The following HVCN1 variants were observed in gnomAD, a reference collection of about 807,000 sequenced individuals.
The protein encoded by HVCN1 is hydrogen voltage gated channel 1.
HVCN1 carries 14 observed loss-of-function variants against 29.2 expected under a neutral mutation model. The ratio of observed to expected loss-of-function variants is 0.48; its 90% confidence interval spans 0.32 to 0.75. HVCN1 has a LOEUF of 0.75. Among genes scored for constraint, HVCN1 ranks in the 30% least tolerant of loss-of-function variants. HVCN1 has a pLI of 0.04. For synonymous variants in HVCN1, 131 were observed against 133.2 expected (o/e 0.98, Z 0.11); for missense variants, 263 against 341.8 (o/e 0.77, Z 1.82).
In HVCN1 at chr12:110,704,807, G is replaced by A. The variant is rs368681040; in HGVS notation, c.-229+68C>T. ...GGTATCCCCCTGGGCTGGGTTTCAGGGATGGGGCCCTGCCATTCCTTCTGG... is the reference window on the plus strand; with the variant it reads ...GGTATCCCCCTGGGCTGGGTTTCAGAGATGGGGCCCTGCCATTCCTTCTGG... On this transcript the variant is annotated intron_variant, in intron 1 of 4. Coordinates refer to the HVCN1 transcript ENST00000546713. The A allele has an allele frequency of 2.0e-5, 3 of 152,310 alleles. No individual in the cohort carries two copies. In the East Asian group the frequency reaches 5.8e-4, roughly 29 times the overall value. The allele number at this position is 152,310 out of a possible 1,614,324, so 9.4% of individuals were successfully genotyped here. A position where few individuals can be genotyped will look rare whatever the true frequency, so the allele number is the denominator to read the frequency against.
In HVCN1 at chr12:110,661,031, G is replaced by T. The variant is rs375127695; in HGVS notation, c.306+133C>A. The T allele has an allele frequency of 2.4e-6, 2 of 836,716 alleles. No homozygotes were observed. The highest frequency in any genetic ancestry group is 2.4e-5 in the East Asian group (1 of 40,832). The allele number at this position is 836,716 out of a possible 1,614,324, so 51.8% of individuals were successfully genotyped here. ...CAGCACGGTACAGGGTCCCCGGCAC[G>T]TGGTAGGTGCTGGGCAAACACTCGT... On this transcript the variant is annotated intron_variant, in intron 4 of 7. Transcript: ENST00000242607. This position sits in a 1 kb window ranked among gnomAD's most constrained non-coding sequence, Gnocchi z 6.2.
At chr12:110,703,376 G>C (rs1379446360) in intron 1 of HVCN1, among the ~76,000 whole-genome samples, 2 of 151,078 alleles carry the variant, frequency 1.3e-5, no homozygotes, top group African/African-American at 4.9e-5. Context: ...AAGACAGAGT[G>C]AGATCCTGAC....
chr12:110,680,991 C>T (rs763146484), intron 3 of HVCN1, among the ~76,000 whole-genome samples: 5 of 152,152 alleles, frequency 3.3e-5, no homozygotes, highest in South Asian at 2.1e-4. Flanking sequence ...CCACTATATG[C>T]GTCAGATTCG....
rs560887298 is a variant in HVCN1 at position 110,649,326 on chromosome 12, C to T, written c.*84G>A. ...GTATCAAACCAAACCTCTCACCAAGCGGCCCAGGAGGGGCAGCTGTTCCTC... is the reference window on the plus strand; with the variant it reads ...GTATCAAACCAAACCTCTCACCAAGTGGCCCAGGAGGGGCAGCTGTTCCTC... On this transcript the variant is annotated 3_prime_UTR_variant, in exon 8 of 8. Coordinates refer to ENST00000242607, the MANE Select transcript of HVCN1 (RefSeq NM_032369.4). 799 of 1,084,176 alleles carry T rather than the reference C, an allele frequency of 7.4e-4. 1 individual carries two copies. The highest frequency in any genetic ancestry group is 1.0e-3 in the Non-Finnish European group (715 of 716,232). 67.2% of individuals were successfully genotyped at this position (1,084,176 alleles called of 1,614,324 possible). A position where few individuals can be genotyped will look rare whatever the true frequency, so the allele number is the denominator to read the frequency against.
At chr12:110,696,950 G>A (rs140080958) in intron 2 of HVCN1, among the ~76,000 whole-genome samples, 225 of 152,102 alleles carry the variant, frequency 1.5e-3, no homozygotes, top group Middle Eastern at 0.01. Context: ...TGGACAAGTC[G>A]GTTGGGAGTA....
At chr12:110,675,608 G>T (rs1015857682) in intron 3 of HVCN1, among the ~76,000 whole-genome samples, 4 of 151,746 alleles carry the variant, frequency 2.6e-5, no homozygotes, top group Non-Finnish European at 4.4e-5. Context: ...CAACAAAAAT[G>T]ACATTTTAGA....
intron 5 of HVCN1, 56 bp downstream of exon 5, chr12:110,655,178 C>T (rs1329875086): frequency 3.7e-6 from 5 of 1,350,704 alleles, no homozygotes; most frequent in Non-Finnish European, 5.3e-6. Context: ...CCCGTCTGTG[C>T]AGATAACACA....
At chr12:110,654,249 G>C (rs2067910648) in intron 5 of HVCN1, among the ~76,000 whole-genome samples, 1 of 152,010 alleles carries the variant, frequency 6.6e-6, no homozygotes, top group Non-Finnish European at 1.5e-5. Flanking sequence ...CAGTCTCTGA[G>C]AAACATGAAA....
At chr12:110,671,223 A>C (rs1427864992) in intron 3 of HVCN1, among the ~76,000 whole-genome samples, 1 of 152,122 alleles carries the variant, frequency 6.6e-6, no homozygotes, top group Non-Finnish European at 1.5e-5. Context: ...GCTACTCCGG[A>C]GGCTGAAGCA....
At chr12:110,662,518 A>C (rs2068212280) in intron 3 of HVCN1, among the ~76,000 whole-genome samples, 1 of 152,236 alleles carries the variant, frequency 6.6e-6, no homozygotes, top group Admixed American at 6.5e-5. Flanking sequence ...CAGCCTGGCC[A>C]ACATGGCAAG....
intron 2 of HVCN1, among the ~76,000 whole-genome samples, chr12:110,696,562 AAGGAAACCCTGTACCCATGAAGC>A (rs953590194): frequency 6.6e-6 from 1 of 151,992 alleles, no homozygotes; most frequent in African/African-American, 2.4e-5. Flanking sequence ...GAAAAAAAAA[AAGGAAACCCTGTACCCATGAAGC>A]AGTTCCTCCC....
chr12:110,683,427 C>A (rs931962095), intron 2 of HVCN1, among the ~76,000 whole-genome samples, 163 bp from the exon 3 acceptor site: 4 of 152,138 alleles, frequency 2.6e-5, no homozygotes, highest in Admixed American at 6.6e-5. Flanking sequence ...GGCATACATC[C>A]TGGATATAGA....
chr12:110,663,335 G>A (rs1407360136), intron 3 of HVCN1, among the ~76,000 whole-genome samples: 2 of 152,156 alleles, frequency 1.3e-5, no homozygotes, highest in Non-Finnish European at 2.9e-5. Context: ...AGGTGTGGCA[G>A]CTCACACCTG....
upstream of HVCN1, among the ~76,000 whole-genome samples, chr12:110,692,897 A>G (rs542086483): frequency 6.5e-4 from 99 of 152,262 alleles, 1 homozygote; most frequent in Middle Eastern, 6.8e-3. Flanking sequence ...ACAGGGTCTC[A>G]CTTTGTTGCT....
At chr12:110,655,374 C>T (rs1267141182) in intron 4 of HVCN1, 36 bp from the exon 5 acceptor site, 6 of 1,502,028 alleles carry the variant, frequency 4.0e-6, no homozygotes, top group African/African-American at 2.8e-5. Flanking sequence ...GATCATGAGA[C>T]CCCCACAGAG....
intron 2 of HVCN1, among the ~76,000 whole-genome samples, chr12:110,698,303 C>T (rs1362364468): frequency 1.3e-5 from 2 of 152,194 alleles, no homozygotes; most frequent in Non-Finnish European, 2.9e-5. Context: ...CCCAGCCTTT[C>T]CTGTCTGTTG....
intron 2 of HVCN1, among the ~76,000 whole-genome samples, chr12:110,684,328 A>C (rs1237494267): frequency 6.6e-6 from 1 of 152,260 alleles, no homozygotes; most frequent in Non-Finnish European, 1.5e-5. Flanking sequence ...TATTCACTTT[A>C]AAATGGTTAG....
chr12:110,674,298 C>CA (rs2068678264), intron 3 of HVCN1, among the ~76,000 whole-genome samples: 1 of 152,184 alleles, frequency 6.6e-6, no homozygotes, highest in African/African-American at 2.4e-5. Context: ...CTGTAACCCC[C>CA]CTGCATGTAG....
chr12:110,693,269 C>T (rs1397290602), upstream of HVCN1, among the ~76,000 whole-genome samples: 3 of 152,088 alleles, frequency 2.0e-5, no homozygotes, highest in African/African-American at 7.2e-5. Flanking sequence ...ACTGGCCAGG[C>T]GCGGTGGCTC....
Sources: gnomAD v4.1 joint callset for allele counts (sites outside exome capture counted in the v4.1 genomes callset) on GRCh38, gnomAD v4.1.1 for gene constraint, Gnocchi (gnomAD v3.1) non-coding constraint, MANE v1.5 for transcripts, NCBI Gene and HGNC (gene_info 2026-07-23, HGNC 2026-07-21) for gene names.